CYFIP2: variants seen among roughly 807,000 people sequenced by gnomAD.
CYFIP2 encodes cytoplasmic FMR1-interacting protein 2.
In CYFIP2, 29 loss-of-function variants were observed where a neutral mutation model predicts 158.7. That is an observed-to-expected ratio of 0.18 (90% CI 0.14 to 0.25). The LOEUF is 0.25. Among genes scored for constraint, CYFIP2 ranks in the 10% least tolerant of loss-of-function variants. The pLI is 1.00. For synonymous variants in CYFIP2, 585 were observed against 617.6 expected (o/e 0.95, Z 0.78); for missense variants, 852 against 1,639.5 (o/e 0.52, Z 8.29).
intron 3 of CYFIP2, among the ~76,000 whole-genome samples, chr5:157,291,911 T>C (rs1757849854): frequency 6.6e-6 from 1 of 151,644 alleles, no homozygotes; most frequent in African/African-American, 2.4e-5. Flanking sequence ...TCTTTGGTGA[T>C]TTTTTTTTCA....
intron 15 of CYFIP2, among the ~76,000 whole-genome samples, chr5:157,322,183 AC>A (rs1760648373): frequency 6.6e-6 from 1 of 152,070 alleles, no homozygotes; most frequent in Admixed American, 6.5e-5. Context: ...TATTAGAGAA[AC>A]CTAGGCCCTC....
At chr5:157,290,298 C>T (rs532368357) in intron 3 of CYFIP2, among the ~76,000 whole-genome samples, 21 of 152,338 alleles carry the variant, frequency 1.4e-4, no homozygotes, top group African/African-American at 5.1e-4. Context: ...ATTCCTTCTG[C>T]AGGCTCCAGG....
intron 28 of CYFIP2, among the ~76,000 whole-genome samples, chr5:157,388,286 C>T (rs1364107740): frequency 1.3e-5 from 2 of 152,152 alleles, no homozygotes; most frequent in Non-Finnish European, 2.9e-5. Flanking sequence ...TCTGTCTAGC[C>T]AGCTGCTTAT....
At chr5:157,305,598 A>G (rs936760370) in intron 8 of CYFIP2, among the ~76,000 whole-genome samples, 5 of 152,128 alleles carry the variant, frequency 3.3e-5, no homozygotes, top group Non-Finnish European at 7.4e-5. Context: ...GCAGCCTCTA[A>G]CTCCCAGGCT....
In CYFIP2 at chr5:157,275,171, C is replaced by T. The variant is rs376202381; in HGVS notation, c.-24+8976C>T. On this transcript the variant is annotated intron_variant, in intron 1 of 30. Coordinates refer to ENST00000620254, the MANE Select transcript of CYFIP2 (RefSeq NM_001037333.3). ...ACTTTCTTGATGGCGTCCTTTGAAG[C>T]ACAATTTTTTTTATTTTGATGTTTA... 4.5e-4 allele frequency among the ~76,000 whole-genome samples: 68 copies of T among 152,232 alleles called. No individual in the cohort carries two copies. In the South Asian group the frequency reaches 0.013, roughly 30 times the overall value.
chr5:157,315,069 G>C lies in CYFIP2; in HGVS notation c.1331G>C (p.Ser444Thr). The C allele has an allele frequency of 6.2e-7, 1 of 1,613,656 alleles. No individual in the cohort carries two copies. Among genetic ancestry groups the C allele is most frequent in the Non-Finnish European group, 8.5e-7 (1 of 1,179,794 alleles). ...AGAGCCACACGCTACAATTACACCA[G>C]TGAGGAAAAATTTGCCTTCGTTGAG... ...YERATRYNYT[S>T]EEKFAFVEVI... The change falls in exon 13 of 31, where the codon AGT becomes ACT. Residue 444 changes from serine (S) to threonine (T), a missense_variant. By Grantham distance (58) the Ser-to-Thr change is moderately conservative. Transcript: ENST00000620254.
chr5:157,342,628 T>C (rs1454192921), intron 23 of CYFIP2: 1 of 462,130 alleles, frequency 2.2e-6, no homozygotes. Context: ...CTTAACTGTG[T>C]CCTCCGAGTG....
chr5:157,286,554 A>ATG, intron 2 of CYFIP2, among the ~76,000 whole-genome samples: 1 of 57,314 alleles, frequency 1.7e-5, no homozygotes, highest in South Asian at 6.0e-4. Flanking sequence ...TATTTTATGT[A>ATG]TATATATATA....
chr5:157,292,152 G>A (rs1757870286), intron 3 of CYFIP2, among the ~76,000 whole-genome samples: 1 of 150,912 alleles, frequency 6.6e-6, no homozygotes. Context: ...TGGACCTTTT[G>A]TGTCTGGCTT....
chr5:157,391,642 A>G (rs1767299982), intron 30 of CYFIP2, among the ~76,000 whole-genome samples: 1 of 152,134 alleles, frequency 6.6e-6, no homozygotes, highest in Admixed American at 6.5e-5. Flanking sequence ...ATAATATTGC[A>G]TTGTGTATAT....
rs994507192 is a variant in CYFIP2 at position 157,394,259 on chromosome 5, G to A, written c.*1259G>A. 14 of 152,128 alleles carry A rather than the reference G, an allele frequency of 9.2e-5. No individual in the cohort carries two copies. The highest frequency in any genetic ancestry group is 2.1e-4 in the South Asian group (1 of 4,820). The allele number at this position is 152,128 out of a possible 1,614,324, so 9.4% of individuals were successfully genotyped here. A position where few individuals can be genotyped will look rare whatever the true frequency, so the allele number is the denominator to read the frequency against. Reference sequence around the variant, plus strand: ...TCCCACCGAGTGTGGTAAGAAGGAAGGACAAAAGGCTTTAGGATATAAATT... The same window carrying A: ...TCCCACCGAGTGTGGTAAGAAGGAAAGACAAAAGGCTTTAGGATATAAATT... On this transcript the variant is annotated 3_prime_UTR_variant, in exon 31 of 31. Coordinates refer to ENST00000620254, the MANE Select transcript of CYFIP2 (RefSeq NM_001037333.3).
In CYFIP2 at chr5:157,330,734, C is replaced by A; in HGVS notation, c.2157-8C>A. The A allele has an allele frequency of 6.2e-7, 1 of 1,611,860 alleles. No individual in the cohort carries two copies. The highest frequency in any genetic ancestry group is 8.5e-7 in the Non-Finnish European group (1 of 1,178,024). On this transcript the variant is annotated splice_polypyrimidine_tract_variant and splice_region_variant and intron_variant, in intron 19 of 30. Coordinates refer to ENST00000620254, the MANE Select transcript of CYFIP2 (RefSeq NM_001037333.3). ...TTACTGGCCTTGTTTCACTTTTATT[C>A]CTTGCAGTGTCCTGTTGGATAAACG... is the stretch of plus-strand genomic sequence containing the variant.
intron 26 of CYFIP2, among the ~76,000 whole-genome samples, chr5:157,371,729 A>G (rs537102244): frequency 9.2e-5 from 14 of 152,350 alleles, no homozygotes; most frequent in African/African-American, 3.4e-4. Context: ...ATATGAAAAG[A>G]AAATTAAATT....
At chr5:157,365,557 T>C (rs1277230554) in intron 26 of CYFIP2, 2 of 152,126 alleles carry the variant, frequency 1.3e-5, no homozygotes, top group Non-Finnish European at 2.9e-5. Flanking sequence ...TTTCAATTAA[T>C]GTATTACAGT....
chr5:157,334,531 C>T (rs962522134), intron 21 of CYFIP2, among the ~76,000 whole-genome samples: 2 of 152,122 alleles, frequency 1.3e-5, no homozygotes, highest in Admixed American at 6.6e-5. Flanking sequence ...AATGACTCTA[C>T]AATGGAGAAA....
At chr5:157,318,766 G>A (rs192405514) in intron 13 of CYFIP2, among the ~76,000 whole-genome samples, 61 of 152,320 alleles carry the variant, frequency 4.0e-4, no homozygotes, top group African/African-American at 1.4e-3. Context: ...GTAGAAGGTG[G>A]AACATGCCAT....
chr5:157,295,336 T>A (rs1164747458), intron 4 of CYFIP2, among the ~76,000 whole-genome samples: 1 of 152,238 alleles, frequency 6.6e-6, no homozygotes. Context: ...TTTCCCCACT[T>A]AATTCTTAAT....
chr5:157,386,557 C>G (rs1342277964), intron 28 of CYFIP2, among the ~76,000 whole-genome samples: 1 of 152,150 alleles, frequency 6.6e-6, no homozygotes, highest in East Asian at 1.9e-4. Flanking sequence ...TATTTATACT[C>G]ATTGACCCTT....
intron 1 of CYFIP2, among the ~76,000 whole-genome samples, chr5:157,276,539 A>G (rs1305263570): frequency 6.6e-6 from 1 of 152,230 alleles, no homozygotes; most frequent in African/African-American, 2.4e-5. Flanking sequence ...CTGAGGCACT[A>G]ACTTTTATCG....
Sources: gnomAD v4.1 joint callset for allele counts (sites outside exome capture counted in the v4.1 genomes callset) on GRCh38, gnomAD v4.1.1 for gene constraint, MANE v1.5 for transcripts, NCBI Gene and HGNC (gene_info 2026-07-23, HGNC 2026-07-21) for gene names.